ZNF189: variants seen among roughly 807,000 people sequenced by gnomAD.
ZNF189 encodes the protein zinc finger protein 189.
Under a neutral mutation model 53.5 loss-of-function variants are expected in ZNF189, and 33 were observed. That is an observed-to-expected ratio of 0.62 (90% CI 0.47 to 0.82). The LOEUF (loss-of-function observed/expected upper bound fraction) is 0.82. ZNF189 is among the 40% of genes least tolerant of loss of function. The probability of loss-of-function intolerance (pLI) is 0.00; values close to 1 mark genes in which losing one functional copy is unlikely to be tolerated. For missense variants in ZNF189, 711 were observed against 753.9 expected (o/e 0.94, Z 0.67); for synonymous variants, 247 against 238.8 (o/e 1.03, Z -0.32).
intron 2 of ZNF189, among the ~76,000 whole-genome samples, chr9:101,400,352 CTG>C (rs1289793765): frequency 2.6e-5 from 4 of 152,152 alleles, no homozygotes; most frequent in Non-Finnish European, 4.4e-5. Flanking sequence ...CTGGCCTTAA[CTG>C]AAACCTGGCA....
intron 2 of ZNF189, among the ~76,000 whole-genome samples, chr9:101,403,525 A>G (rs766149653): frequency 6.6e-6 from 1 of 152,078 alleles, no homozygotes; most frequent in Admixed American, 6.5e-5. Context: ...CTTTTCATTC[A>G]TACTTTTCCT....
chr9:101,403,584 G>A (rs759437226), intron 2 of ZNF189, among the ~76,000 whole-genome samples: 6 of 152,178 alleles, frequency 3.9e-5, no homozygotes, highest in Non-Finnish European at 4.4e-5. Flanking sequence ...CGATGATACA[G>A]TTGATAGCTT....
At chr9:101,399,454 G>T in intron 1 of ZNF189, 5 of 1,325,334 alleles carry the variant, frequency 3.8e-6, no homozygotes, top group Non-Finnish European at 4.8e-6. Context: ...TCTCTCATTT[G>T]TGAGTTCTCC....
intron 2 of ZNF189, among the ~76,000 whole-genome samples, chr9:101,402,933 T>G (rs933942284): frequency 6.6e-6 from 1 of 152,220 alleles, no homozygotes; most frequent in African/African-American, 2.4e-5. Context: ...TGATTTTGTA[T>G]TAGTTAACTG....
At chr9:101,404,629 T>C (rs933460229) in intron 2 of ZNF189, among the ~76,000 whole-genome samples, 5 of 152,226 alleles carry the variant, frequency 3.3e-5, no homozygotes, top group African/African-American at 1.2e-4. Flanking sequence ...ACAAGCTTTT[T>C]AATCTTGTTA....
Position 101,408,065 on chromosome 9 carries a change from A to C in ZNF189, c.297A>C (p.Glu99Asp). ...TTGACCAGGATCCTATGGGTAGAGAAACATTTGAACTTGTTGGTAGGTTAG... is the reference window on the plus strand; with the variant it reads ...TTGACCAGGATCCTATGGGTAGAGACACATTTGAACTTGTTGGTAGGTTAG... ...SEIDQDPMGR[E>D]TFELVGRLDK... Residue 99 changes from glutamate to aspartate, a missense_variant, in exon 3 of 3, where the codon GAA (glutamate) becomes GAC (aspartate). Coordinates refer to ENST00000339664, the MANE Select transcript of ZNF189 (RefSeq NM_003452.4). 1 of 1,614,090 alleles carries C rather than the reference A, an allele frequency of 6.2e-7. No homozygotes were observed. The highest frequency in any genetic ancestry group is 8.5e-7 in the Non-Finnish European group (1 of 1,180,002).
rs758946660 is a variant in ZNF189 at position 101,408,234 on chromosome 9, G to T, written c.466G>T (p.Gly156Cys). The change falls in exon 3 of 3, where the codon GGT (glycine) becomes TGT (cysteine). Residue 156 changes from glycine (G) to cysteine (C), a missense_variant. Coordinates refer to ENST00000339664, the MANE Select transcript of ZNF189 (RefSeq NM_003452.4). Reference protein sequence around the residue: ...KCHKCEECGKGFVRKAHFIQH... With the variant: ...KCHKCEECGKCFVRKAHFIQH... ...CCATAAATGTGAAGAATGTGGAAAG[G>T]GTTTTGTCCGCAAGGCCCATTTCAT... 3 of 1,614,120 alleles carry T rather than the reference G, an allele frequency of 1.9e-6. No individual in the cohort carries two copies. In the Admixed American group the frequency reaches 5.0e-5, roughly 27 times the overall value.
rs777613067 is a variant in ZNF189, at chr9:101,408,394, G to A, written c.626G>A (p.Cys209Tyr). Residue 209 changes from cysteine to tyrosine, a missense_variant, in exon 3 of 3, where the codon TGT becomes TAT. Coordinates refer to ENST00000339664, the MANE Select transcript of ZNF189 (RefSeq NM_003452.4). ...GAAAGGCCCTATGAGTGTAATTACT[G>A]TGGAAAAACCTTTAGTGTGAGCTCA... ...TGERPYECNY[C>Y]GKTFSVSSTL... 6.2e-7 allele frequency: 1 copy of A among 1,613,912 alleles called. No individual in the cohort carries two copies. Among genetic ancestry groups the A allele is most frequent in the Non-Finnish European group, 8.5e-7 (1 of 1,180,028 alleles).
Position 101,399,122 on chromosome 9 carries a change from G to A in ZNF189, c.-35G>A, listed in dbSNP as rs1211355302. On this transcript the variant is annotated 5_prime_UTR_variant, in exon 1 of 3. Transcript: ENST00000339664. ...ACCAGAGGCTCCTTTCCGTGAGGCC[G>A]CCCCCAATTCCTGCCCCTATTCTCT... 1.3e-6 allele frequency: 2 copies of A among 1,530,238 alleles called. No individual in the cohort carries two copies. The highest frequency in any genetic ancestry group is 1.1e-5 in the South Asian group (1 of 88,654). The allele number at this position is 1,530,238 out of a possible 1,614,324, so 94.8% of individuals were successfully genotyped here.
Position 101,409,053 on chromosome 9 carries a change from C to T in ZNF189, c.1285C>T (p.Pro429Ser), listed in dbSNP as rs770694310. 9 of 1,613,674 alleles carry T rather than the reference C, an allele frequency of 5.6e-6. No homozygotes were observed. In the African/African-American group the frequency reaches 1.2e-4, roughly 22 times the overall value. Residue 429 changes from proline (P) to serine (S), a missense_variant, in exon 3 of 3, where the codon CCA becomes TCA. Transcript: ENST00000339664. ...AATTCACACCAGGGAGAAGACTTAT[C>T]CATACAATGAAACTAAGGAAAGTTT... The part of the protein sequence containing the change: ...QRIHTREKTY[P>S]YNETKESFDP...
At chr9:101,401,803 CTT>C (rs961187784) in intron 2 of ZNF189, among the ~76,000 whole-genome samples, 2 of 152,192 alleles carry the variant, frequency 1.3e-5, no homozygotes, top group Admixed American at 1.3e-4. Context: ...ATGTGAAACT[CTT>C]TATTGTTTCC....
chr9:101,409,823 C>T lies in ZNF189; in HGVS notation c.*174C>T. ...AACTGCCCATGAGCATTTGACTTCC[C>T]TTACTCTTTGATGATCGTAGAGAAA... On this transcript the variant is annotated 3_prime_UTR_variant, in exon 3 of 3. Coordinates refer to ENST00000339664, the MANE Select transcript of ZNF189 (RefSeq NM_003452.4). The T allele has an allele frequency of 1.5e-6, 1 of 651,258 alleles. No homozygotes were observed. Among genetic ancestry groups the T allele is most frequent in the South Asian group, 2.2e-5 (1 of 44,454 alleles). The allele number at this position is 651,258 out of a possible 1,614,324, so 40.3% of individuals were successfully genotyped here. A position where few individuals can be genotyped will look rare whatever the true frequency, so the allele number is the denominator to read the frequency against.
intron 2 of ZNF189, among the ~76,000 whole-genome samples, chr9:101,404,076 T>C (rs1008882438): frequency 2.6e-5 from 4 of 152,170 alleles, no homozygotes; most frequent in Non-Finnish European, 5.9e-5. Context: ...TGTAGAAAAA[T>C]TGGCCATGAC....
chr9:101,410,240 A>G lies in ZNF189; in HGVS notation c.*591A>G, dbSNP rs1270365830. 6.5e-6 allele frequency: 1 copy of G among 152,680 alleles called. No homozygotes were observed. The highest frequency in any genetic ancestry group is 1.5e-5 in the Non-Finnish European group (1 of 68,052). 9.5% of individuals were successfully genotyped at this position (152,680 alleles called of 1,614,324 possible). On this transcript the variant is annotated 3_prime_UTR_variant, in exon 3 of 3. Transcript: ENST00000339664. ...ATGAAATGAGTGGACCATTAACCTT[A>G]CATGTAAAGATTATGTTAGTAATTA...
intron 1 of ZNF189, chr9:101,399,659 C>A: frequency 1.6e-6 from 2 of 1,248,806 alleles, no homozygotes; most frequent in Non-Finnish European, 2.1e-6. Context: ...TAAAATTAAA[C>A]TCTCAGGGCA....
intron 2 of ZNF189, among the ~76,000 whole-genome samples, chr9:101,401,924 T>TA (rs1247550695): frequency 1.3e-5 from 2 of 151,844 alleles, no homozygotes; most frequent in Non-Finnish European, 2.9e-5. Flanking sequence ...AAGTCCCATT[T>TA]TTTTTTTCAA....
At chr9:101,404,172 A>T (rs990816817) in intron 2 of ZNF189, among the ~76,000 whole-genome samples, 2 of 151,894 alleles carry the variant, frequency 1.3e-5, no homozygotes, top group Non-Finnish European at 2.9e-5. Context: ...TGGAAGCCTT[A>T]CTCTTGTTTT....
Position 101,408,607 on chromosome 9 carries a change from G to T in ZNF189, c.839G>T (p.Arg280Ile). 6.2e-7 allele frequency: 1 copy of T among 1,614,082 alleles called. No homozygotes were observed. The highest frequency in any genetic ancestry group is 8.5e-7 in the Non-Finnish European group (1 of 1,180,000). ...SWKSHLIEHQ[R>I]THTGEKPYHC... ...AAATCACACCTTATTGAGCATCAAA[G>T]AACTCACACTGGTGAGAAACCTTAT... is the stretch of plus-strand genomic sequence containing the variant. Residue 280 changes from arginine (R) to isoleucine (I), a missense_variant, in exon 3 of 3, where the codon AGA becomes ATA. Arg to Ile is a moderately conservative substitution (Grantham distance 97, BLOSUM62 -3). Transcript: ENST00000339664.
Position 101,409,687 on chromosome 9 carries a change from T to A in ZNF189, c.*38T>A. ...ACATAAGCTCAATTTGATTTGAGACTAGTACCCAAGTGCAGTTTTAGTATG... is the reference window on the plus strand; with the variant it reads ...ACATAAGCTCAATTTGATTTGAGACAAGTACCCAAGTGCAGTTTTAGTATG... On this transcript the variant is annotated 3_prime_UTR_variant, in exon 3 of 3. Transcript: ENST00000339664. 6.4e-7 allele frequency: 1 copy of A among 1,551,144 alleles called. No individual in the cohort carries two copies. The highest frequency in any genetic ancestry group is 8.7e-7 in the Non-Finnish European group (1 of 1,153,872).
Sources: allele counts gnomAD v4.1 joint callset (sites outside exome capture counted in the v4.1 genomes callset), GRCh38; gene constraint gnomAD v4.1.1; transcripts MANE v1.5; gene names NCBI Gene and HGNC (gene_info 2026-07-23, HGNC 2026-07-21).